Variants in PKD1L3 observed in about 807,000 individuals in gnomAD.
PKD1L3 encodes polycystin 1 like 3, transient receptor potential channel interacting, also known as polycystin-1-like protein 3.
Under a neutral mutation model 184.1 loss-of-function variants are expected in PKD1L3, and 239 were observed. That is an observed-to-expected ratio of 1.30 (90% CI 1.17 to 1.45). PKD1L3 has a LOEUF of 1.45. Ranked by LOEUF, PKD1L3 falls within the 40% of genes most tolerant of loss-of-function variation. The pLI, the probability that PKD1L3 is intolerant of heterozygous loss-of-function variation, is 0.00. For missense variants in PKD1L3, 2,660 were observed against 2,067.2 expected (o/e 1.29, Z -5.56); for synonymous variants, 996 against 778.8 (o/e 1.28, Z -4.64).
intron 5 of PKD1L3, among the ~76,000 whole-genome samples, chr16:71,985,790 C>G (rs1329356346): frequency 6.6e-6 from 1 of 152,144 alleles, no homozygotes. Flanking sequence ...TGGTCTAAAA[C>G]TCCTGGGCTC....
intron 12 of PKD1L3, 87 bp from the exon 13 acceptor site, chr16:71,970,192 T>A: frequency 9.8e-7 from 1 of 1,025,226 alleles, no homozygotes; most frequent in Middle Eastern, 2.3e-4. Flanking sequence ...AATTTAGAGA[T>A]GGAAAGAGGT....
chr16:71,951,646 C>T lies in PKD1L3; in HGVS notation c.3108G>A (p.Leu1036=), dbSNP rs2038839090. ...PPWSSWDITK[L]VKLLSSLVSS... Reference sequence around the variant, plus strand: ...ATACGAGGCTGGATAAAAGTTTCACCAGCTTAGTAATGTCCCAAGAACTCC... The same window carrying T: ...ATACGAGGCTGGATAAAAGTTTCACTAGCTTAGTAATGTCCCAAGAACTCC... Residue 1036 remains leucine, a synonymous_variant, in exon 19 of 30, where the codon CTG becomes CTA. Transcript: ENST00000620267. 1 of 1,551,744 alleles carries T rather than the reference C, an allele frequency of 6.4e-7. No individual in the cohort carries two copies. The highest frequency in any genetic ancestry group is 8.7e-7 in the Non-Finnish European group (1 of 1,147,012).
intron 21 of PKD1L3, 150 bp from the exon 22 acceptor site, chr16:71,947,741 CA>C (rs1353575799): frequency 3.4e-6 from 2 of 596,360 alleles, no homozygotes; most frequent in African/African-American, 3.7e-5. Flanking sequence ...TTAATTTTTG[CA>C]CAATGATGGG....
chr16:71,948,803 T>TAAAAAAAAAAAAAAA (rs57129483), intron 21 of PKD1L3, among the ~76,000 whole-genome samples: 8 of 81,200 alleles, frequency 9.9e-5, no homozygotes, highest in African/African-American at 1.4e-4. Flanking sequence ...TTACATATAG[T>TAAAAAAAAAAAAAAA]AAAAAAAAAA....
chr16:71,997,555 C>T (rs1195068902), intron 2 of PKD1L3, among the ~76,000 whole-genome samples: 2 of 151,976 alleles, frequency 1.3e-5, no homozygotes, highest in East Asian at 1.9e-4. Context: ...TCGAGACTGG[C>T]CTGACCAACA....
At chr16:71,966,276 T>C (rs140206218) in intron 15 of PKD1L3, among the ~76,000 whole-genome samples, 261 of 152,210 alleles carry the variant, frequency 1.7e-3, no homozygotes, top group African/African-American at 5.9e-3. Context: ...CTAGCACCTC[T>C]CCTAATTCTG....
chr16:71,953,142 T>C (rs1347321144), intron 17 of PKD1L3, 49 bp from the exon 18 acceptor site: 1 of 1,371,790 alleles, frequency 7.3e-7, no homozygotes. Flanking sequence ...ATTAAAATAA[T>C]CGCAAAGTCA....
intron 2 of PKD1L3, among the ~76,000 whole-genome samples, chr16:71,994,504 T>C (rs1597380073): frequency 6.6e-6 from 1 of 152,170 alleles, no homozygotes; most frequent in East Asian, 1.9e-4. Context: ...CTCTAGTTGT[T>C]TGGTAGCTCA....
rs2038971464 is a variant in PKD1L3, at chr16:71,954,476, C to T, written c.2613-175G>A. ...CTTTTTTTATTTTAAATTCTTTTAC[C>T]ATCACCCGAATGTGTCCATGTAAGA... is the stretch of plus-strand genomic sequence containing the variant. On this transcript the variant is annotated intron_variant, in intron 16 of 29. Transcript: ENST00000620267. Among the ~76,000 whole-genome samples the T allele has an allele frequency of 4.6e-5, 7 of 152,126 alleles. No homozygotes were observed. In the South Asian group the frequency reaches 1.4e-3, roughly 32 times the overall value.
chr16:71,951,431 G>C lies in PKD1L3; in HGVS notation c.3190+133C>G, dbSNP rs1276161966. On this transcript the variant is annotated intron_variant, in intron 19 of 29. Transcript: ENST00000620267. Reference sequence around the variant, plus strand: ...GAACAAAGCTATCAACTCTATACTAGAAGCTTAAGGAAATTAAAACAACCA... The same window carrying C: ...GAACAAAGCTATCAACTCTATACTACAAGCTTAAGGAAATTAAAACAACCA... The C allele has an allele frequency of 1.7e-5, 15 of 869,898 alleles. No homozygotes were observed. In the Admixed American group the frequency reaches 3.6e-4, roughly 21 times the overall value. The allele number at this position is 869,898 out of a possible 1,614,324, so 53.9% of individuals were successfully genotyped here.
chr16:71,936,792 T>C (rs1414191484), intron 25 of PKD1L3, among the ~76,000 whole-genome samples: 2 of 152,312 alleles, frequency 1.3e-5, no homozygotes, highest in East Asian at 3.9e-4. Flanking sequence ...TTTTGAGTGC[T>C]TGCTCTTTGT....
At chr16:71,933,862 G>A (rs1327165245) in intron 27 of PKD1L3, 53 bp downstream of exon 27, 4 of 1,527,134 alleles carry the variant, frequency 2.6e-6, no homozygotes, top group African/African-American at 1.4e-5. Flanking sequence ...GAAGCGATGC[G>A]ATTCCAAGAC....
In PKD1L3 at chr16:71,955,620, AGGTG is replaced by A. The variant is rs1405019313; in HGVS notation, c.2613-1323_2613-1320del. Among the ~76,000 whole-genome samples, 7 of 151,834 alleles carry A rather than the reference AGGTG, an allele frequency of 4.6e-5. No homozygotes were observed. In the East Asian group the frequency reaches 1.4e-3, roughly 30 times the overall value. On this transcript the variant is annotated intron_variant, in intron 16 of 29. Coordinates refer to ENST00000620267, the MANE Select transcript of PKD1L3 (RefSeq NM_181536.2). Reference sequence around the variant, plus strand: ...TGATCCTCCCACCTCAGTGGTGTGCAGGTGCACACCACTACACCTAATAGGGCTT... The same window carrying A: ...TGATCCTCCCACCTCAGTGGTGTGCACACACCACTACACCTAATAGGGCTT...
Position 71,980,020 on chromosome 16 carries a change from G to A in PKD1L3, c.1258C>T (p.Leu420=), listed in dbSNP as rs1296761460. Residue 420 remains leucine (L), a synonymous_variant, in exon 8 of 30, where the codon CTG becomes TTG. Coordinates refer to ENST00000620267, the MANE Select transcript of PKD1L3 (RefSeq NM_181536.2). The stretch of plus-strand genomic sequence containing the variant: ...CTTCCCATTAACCTGCTCAGCAGCA[G>A]AGTAGCATTGGCAGAGGTCAAAGTC... ...SVTLTSANAT[L]LLSRQNISTL... is the part of the protein sequence containing the mutation. 9 of 1,552,018 alleles carry A rather than the reference G, an allele frequency of 5.8e-6. No homozygotes were observed. The highest frequency in any genetic ancestry group is 2.0e-5 in the Admixed American group (1 of 50,982).
At position 71,937,314 on chromosome 16, in the gene PKD1L3, A is replaced by G; in HGVS notation, c.4430T>C (p.Val1477Ala). 2 of 1,551,544 alleles carry G rather than the reference A, an allele frequency of 1.3e-6. No individual in the cohort carries two copies. Among genetic ancestry groups the G allele is most frequent in the Non-Finnish European group, 1.7e-6 (2 of 1,146,926 alleles). ...CACCTGTATGAAGGCATAGTAACAG[A>G]CCAGTAGATAATAGATGACTTGTGA... ...IISQVIYYLL[V>A]CYYAFIQGCQ... is the part of the protein sequence containing the mutation. The change falls in exon 25 of 30, where the codon GTC (valine) becomes GCC (alanine). Residue 1477 changes from valine (V) to alanine (A), a missense_variant. Physicochemically the swap from Val to Ala is moderately conservative, Grantham distance 64. Transcript: ENST00000620267.
At chr16:71,930,545 G>C (rs2037909543) in intron 28 of PKD1L3, 1 of 164,028 alleles carries the variant, frequency 6.1e-6, no homozygotes. Flanking sequence ...ATGCATACCA[G>C]AAATGAGAAT....
rs1177468852 is a variant in PKD1L3, at chr16:71,935,438, G to A, written c.4533C>T (p.Ser1511=). 1 of 1,552,050 alleles carries A rather than the reference G, an allele frequency of 6.4e-7. No homozygotes were observed. The highest frequency in any genetic ancestry group is 2.4e-5 in the East Asian group (1 of 40,924). Residue 1511 remains serine, a synonymous_variant, in exon 26 of 30, where the codon AGC becomes AGT. Transcript: ENST00000620267. ...NILDTSIILI[S]FILLGLDMKS... is the part of the protein sequence containing the mutation. ...TCATGTCAAGCCCCAGGAGGATGAAGCTAATGAGGATTATACTTGTGTCCA... is the reference window on the plus strand; with the variant it reads ...TCATGTCAAGCCCCAGGAGGATGAAACTAATGAGGATTATACTTGTGTCCA...
intron 5 of PKD1L3, 106 bp from the exon 6 acceptor site, chr16:71,984,273 C>G: frequency 6.2e-6 from 7 of 1,125,680 alleles, no homozygotes; most frequent in Non-Finnish European, 8.7e-6. Context: ...ACTTTATAAA[C>G]CCTATGAACC....
intron 10 of PKD1L3, among the ~76,000 whole-genome samples, 190 bp downstream of exon 10, chr16:71,978,065 C>T (rs572083661): frequency 8.8e-4 from 134 of 152,142 alleles, no homozygotes; most frequent in African/African-American, 2.9e-3. Flanking sequence ...TGAGCCACTG[C>T]GCCCAGCCCT....
Sources: gnomAD v4.1 joint callset for allele counts (sites outside exome capture counted in the v4.1 genomes callset) on GRCh38, gnomAD v4.1.1 for gene constraint, MANE v1.5 for transcripts, NCBI Gene and HGNC (gene_info 2026-07-23, HGNC 2026-07-21) for gene names.